DENND5A: variants seen among roughly 807,000 people sequenced by gnomAD.
The protein encoded by DENND5A is DENN domain-containing protein 5A.
DENND5A carries 64 observed loss-of-function variants against 140.3 expected under a neutral mutation model. That is an observed-to-expected ratio of 0.46 (90% CI 0.37 to 0.56). DENND5A has a LOEUF of 0.56. Among genes scored for constraint, DENND5A ranks in the 20% least tolerant of loss-of-function variants. The probability of loss-of-function intolerance (pLI) is 0.00; values close to 1 mark genes in which losing one functional copy is unlikely to be tolerated. For missense variants in DENND5A, 1,292 were observed against 1,593.8 expected, an observed-to-expected ratio of 0.81 and a Z score of 3.22; for synonymous variants, 605 against 607.7, an observed-to-expected ratio of 1.00 and a Z score of 0.07.
intron 22 of DENND5A, 84 bp from the exon 23 acceptor site, chr11:9,139,938 C>A (rs1466653739): frequency 7.3e-7 from 1 of 1,367,328 alleles, no homozygotes; most frequent in Admixed American, 2.0e-5. Flanking sequence ...AAGGGGGAAA[C>A]CATGAACTAA....
chr11:9,154,760 C>T (rs1000883566), intron 12 of DENND5A, among the ~76,000 whole-genome samples: 3 of 151,242 alleles, frequency 2.0e-5, no homozygotes, highest in Admixed American at 2.0e-4. Context: ...ATTAATGAGA[C>T]TTACAAATCC....
intron 22 of DENND5A, 28 bp downstream of exon 22, chr11:9,141,912 T>G: frequency 6.4e-7 from 1 of 1,550,388 alleles, no homozygotes; most frequent in Non-Finnish European, 8.7e-7. Flanking sequence ...CTAACCGCTG[T>G]GCACTCTGGG....
chr11:9,230,480 A>G (rs543171002), intron 1 of DENND5A, among the ~76,000 whole-genome samples: 6 of 151,748 alleles, frequency 4.0e-5, no homozygotes, highest in Non-Finnish European at 7.4e-5. Context: ...GGCTTAAGCA[A>G]TCCTCCCAGC....
intron 1 of DENND5A, among the ~76,000 whole-genome samples, chr11:9,227,577 T>C (rs1284081086): frequency 1.3e-5 from 2 of 152,168 alleles, no homozygotes; most frequent in African/African-American, 4.8e-5. Context: ...GGCACAGGAC[T>C]TTAAAGACAG....
At chr11:9,205,699 C>T (rs1172814197) in intron 3 of DENND5A, among the ~76,000 whole-genome samples, 1 of 152,104 alleles carries the variant, frequency 6.6e-6, no homozygotes, top group African/African-American at 2.4e-5. Flanking sequence ...TTGAGAACAG[C>T]CTGGACAACA....
chr11:9,244,373 T>G (rs1472619387), intron 1 of DENND5A, among the ~76,000 whole-genome samples: 1 of 152,088 alleles, frequency 6.6e-6, no homozygotes, highest in Non-Finnish European at 1.5e-5. Context: ...TTATTTATTT[T>G]TATTTATTTT....
intron 8 of DENND5A, among the ~76,000 whole-genome samples, chr11:9,172,485 C>T (rs1010002914): frequency 3.3e-5 from 5 of 152,178 alleles, no homozygotes; most frequent in Admixed American, 6.5e-5. Flanking sequence ...TAATAATCCC[C>T]ATGTGTGGTG....
intron 1 of DENND5A, among the ~76,000 whole-genome samples, chr11:9,260,220 T>C (rs1009978937): frequency 9.2e-5 from 14 of 152,062 alleles, no homozygotes; most frequent in Non-Finnish European, 1.3e-4. Context: ...AGGATACTTA[T>C]ATCTCAATGC....
intron 1 of DENND5A, among the ~76,000 whole-genome samples, chr11:9,259,164 G>C (rs1852081201): frequency 6.6e-6 from 1 of 152,048 alleles, no homozygotes; most frequent in African/African-American, 2.4e-5. Flanking sequence ...AGAGGCTGAG[G>C]CAGGAGAATC....
chr11:9,231,546 T>C (rs1392127148), intron 1 of DENND5A, among the ~76,000 whole-genome samples: 3 of 151,932 alleles, frequency 2.0e-5, no homozygotes. Flanking sequence ...AGAAACTCCA[T>C]CTCTACTAAA....
At chr11:9,224,174 C>CA (rs1850438845) in intron 1 of DENND5A, among the ~76,000 whole-genome samples, 1 of 152,158 alleles carries the variant, frequency 6.6e-6, no homozygotes, top group Non-Finnish European at 1.5e-5. Flanking sequence ...GCCTGGGCGA[C>CA]AGAGCAAGAC....
At chr11:9,204,793 C>T (rs934922916) in intron 3 of DENND5A, among the ~76,000 whole-genome samples, 2 of 152,100 alleles carry the variant, frequency 1.3e-5, no homozygotes, top group African/African-American at 4.8e-5. Context: ...ACTCAGGAGA[C>T]GGAGGTTGCA....
chr11:9,189,076 G>A (rs1197915221), intron 5 of DENND5A, among the ~76,000 whole-genome samples: 1 of 152,196 alleles, frequency 6.6e-6, no homozygotes, highest in East Asian at 1.9e-4. Context: ...GGGTCCCCAT[G>A]CTGTGTGCAG....
intron 1 of DENND5A, among the ~76,000 whole-genome samples, chr11:9,241,375 A>C (rs1012906367): frequency 2.6e-5 from 4 of 152,086 alleles, no homozygotes; most frequent in Non-Finnish European, 4.4e-5. Flanking sequence ...TAAAATGTAC[A>C]TTTCTAAGAA....
intron 4 of DENND5A, among the ~76,000 whole-genome samples, chr11:9,201,424 C>A (rs181740790): frequency 2.6e-5 from 4 of 151,310 alleles, no homozygotes; most frequent in African/African-American, 7.3e-5. Flanking sequence ...CGCCTGTAAT[C>A]CCAGCACTTT....
At chr11:9,244,975 C>T (rs1200942965) in intron 1 of DENND5A, among the ~76,000 whole-genome samples, 1 of 150,680 alleles carries the variant, frequency 6.6e-6, no homozygotes, top group African/African-American at 2.4e-5. Flanking sequence ...CCGTGCTTGG[C>T]TCCAAGGCCC....
Position 9,141,966 on chromosome 11 carries a change from A to T in DENND5A, c.3654T>A (p.Phe1218Leu). Residue 1218 changes from phenylalanine to leucine, a missense_variant, in exon 22 of 23, where the codon TTT becomes TTA. Around this residue, in one of 4 missense-constraint regions of DENND5A, gnomAD observed 498 missense variants for 689.7 expected, o/e 0.72. Transcript: ENST00000328194. Reference protein sequence around the residue: ...TPRNIGKDGKFQMLVCLGARD... With the variant: ...TPRNIGKDGKLQMLVCLGARD... The stretch of plus-strand genomic sequence containing the variant: ...TGGCTCCCAAGCACACCAGCATCTG[A>T]AACTTGCCATCCTTGCCGATGTTCC... 1 of 1,600,784 alleles carries T rather than the reference A, an allele frequency of 6.2e-7. No homozygotes were observed. Among genetic ancestry groups the T allele is most frequent in the Non-Finnish European group, 8.5e-7 (1 of 1,173,342 alleles).
intron 8 of DENND5A, among the ~76,000 whole-genome samples, chr11:9,173,482 G>A (rs1021132492): frequency 3.9e-5 from 6 of 152,292 alleles, no homozygotes; most frequent in East Asian, 1.9e-4. Flanking sequence ...ATAGCACGTC[G>A]GCTAGGAAGA....
intron 12 of DENND5A, among the ~76,000 whole-genome samples, 166 bp from the exon 13 acceptor site, chr11:9,152,608 A>G (rs1847657508): frequency 6.6e-6 from 1 of 152,212 alleles, no homozygotes; most frequent in Non-Finnish European, 1.5e-5. Flanking sequence ...TAAAATCCAG[A>G]AGAAATATAA....
Sources: gnomAD v4.1 joint callset for allele counts (sites outside exome capture counted in the v4.1 genomes callset) on GRCh38, gnomAD v4.1.1 for gene constraint, gnomAD v4.1.1 regional missense constraint, MANE v1.5 for transcripts, NCBI Gene and HGNC (gene_info 2026-07-23, HGNC 2026-07-21) for gene names.